Variants in LEPR observed in about 807,000 individuals in gnomAD.
LEPR encodes the protein OB receptor.
LEPR carries 56 observed loss-of-function variants against 114.7 expected under a neutral mutation model. The observed-to-expected ratio is 0.49, with a 90% CI of 0.39 to 0.61. LEPR has a LOEUF of 0.61. LEPR is among the 20% of genes least tolerant of loss of function. LEPR has a pLI of 0.00. For synonymous variants in LEPR, 443 were observed against 461.4 expected (o/e 0.96, Z 0.51); for missense variants, 1,202 against 1,352.9 (o/e 0.89, Z 1.75).
intron 2 of LEPR, among the ~76,000 whole-genome samples, chr1:65,488,163 T>C (rs148099962): frequency 0.085 from 2,383 of 28,160 alleles, 30 homozygotes; most frequent in African/African-American, 0.13. Flanking sequence ...TTCCTTCCTT[T>C]CTTTCTTTCT....
At position 65,532,032 on chromosome 1, in the gene LEPR, G is replaced by C. The variant is rs139009710; in HGVS notation, c.-20-33514G>C. Among the ~76,000 whole-genome samples the C allele has an allele frequency of 3.3e-5, 5 of 152,138 alleles. No homozygotes were observed. The East Asian group carries it at 5.8e-4, about 18-fold the overall frequency. On this transcript the variant is annotated intron_variant, in intron 2 of 19. Transcript: ENST00000349533. ...GCTCTACACCAGATGGACAAACTTC[G>C]TATTGCCAGAACATTTAATTTTTCG...
intron 11 of LEPR, among the ~76,000 whole-genome samples, chr1:65,606,904 A>G (rs1048163141): frequency 6.6e-6 from 1 of 152,184 alleles, no homozygotes; most frequent in African/African-American, 2.4e-5. Context: ...CAAAAGTATT[A>G]TTGTTGATTG....
intron 5 of LEPR, among the ~76,000 whole-genome samples, chr1:65,592,205 A>T (rs1655739817): frequency 6.6e-6 from 1 of 150,986 alleles, no homozygotes; most frequent in Non-Finnish European, 1.5e-5. Context: ...CATTTTAGTT[A>T]AATTTAATTT....
intron 2 of LEPR, chr1:65,526,291 C>A (rs1649964062): frequency 2.0e-6 from 2 of 985,220 alleles, no homozygotes; most frequent in South Asian, 4.7e-5. Context: ...TGTTTCCCAC[C>A]TCCCCCCTTC....
At chr1:65,628,424 A>G (rs1658342043) in intron 19 of LEPR, among the ~76,000 whole-genome samples, 1 of 152,164 alleles carries the variant, frequency 6.6e-6, no homozygotes, top group Non-Finnish European at 1.5e-5. Flanking sequence ...TCCTGGAGGA[A>G]CCCATGATTT....
intron 2 of LEPR, chr1:65,436,110 T>C: frequency 1.0e-6 from 1 of 977,646 alleles, no homozygotes; most frequent in Non-Finnish European, 1.2e-6. Flanking sequence ...CCAGTGTTTT[T>C]GTCTGTATAA....
intron 6 of LEPR, 147 bp from the exon 7 acceptor site, chr1:65,596,301 G>A (rs1416817139): frequency 2.1e-5 from 19 of 916,670 alleles, no homozygotes; most frequent in Admixed American, 4.5e-5. Context: ...AGCTTGTTTC[G>A]GTTCTATAAT....
chr1:65,548,973 T>G (rs1652033631), intron 2 of LEPR, among the ~76,000 whole-genome samples: 1 of 152,202 alleles, frequency 6.6e-6, no homozygotes, highest in Non-Finnish European at 1.5e-5. Context: ...TGTTTAGTGC[T>G]TCCTTCAGGA....
At chr1:65,573,357 G>T (rs1026043449) in intron 5 of LEPR, among the ~76,000 whole-genome samples, 1 of 152,270 alleles carries the variant, frequency 6.6e-6, no homozygotes, top group South Asian at 2.1e-4. Context: ...CTCAGTTCAG[G>T]AGTGCTAGAT....
chr1:65,626,744 A>G (rs1658241483), intron 19 of LEPR, among the ~76,000 whole-genome samples: 1 of 152,028 alleles, frequency 6.6e-6, no homozygotes. Context: ...CTTGGGCTCA[A>G]CTGATCCTCC....
intron 2 of LEPR, among the ~76,000 whole-genome samples, chr1:65,537,473 A>G (rs1340029766): frequency 6.6e-6 from 1 of 150,932 alleles, no homozygotes; most frequent in East Asian, 1.9e-4. Context: ...TTTTTTTTTC[A>G]TTTATCATTT....
chr1:65,489,018 T>A (rs1224125429), intron 2 of LEPR, among the ~76,000 whole-genome samples: 2 of 152,226 alleles, frequency 1.3e-5, no homozygotes, highest in South Asian at 4.1e-4. Flanking sequence ...TTTGTTCATC[T>A]GTTGATGGAC....
intron 2 of LEPR, among the ~76,000 whole-genome samples, chr1:65,482,117 T>TACACAC (rs1221058740): frequency 3.2e-5 from 3 of 94,566 alleles, no homozygotes; most frequent in African/African-American, 5.5e-5. Flanking sequence ...ATGGCAATTT[T>TACACAC]ACACATACAC....
At chr1:65,518,196 G>A (rs1649386456) in intron 2 of LEPR, among the ~76,000 whole-genome samples, 1 of 152,078 alleles carries the variant, frequency 6.6e-6, no homozygotes, top group Non-Finnish European at 1.5e-5. Flanking sequence ...GCTTTCTTTT[G>A]TCTTGTACTC....
Position 65,592,877 on chromosome 1 carries a change from A to G in LEPR, c.703+12A>G, listed in dbSNP as rs1459970819. 5 of 1,612,486 alleles carry G rather than the reference A, an allele frequency of 3.1e-6. No individual in the cohort carries two copies. In the Admixed American group the frequency reaches 8.4e-5, roughly 27 times the overall value. Reference sequence around the variant, plus strand: ...GCCCATAAATATGGGTAAGTTATGCACTAAAATGATGATAATAGGTCTAAA... The same window carrying G: ...GCCCATAAATATGGGTAAGTTATGCGCTAAAATGATGATAATAGGTCTAAA... On this transcript the variant is annotated intron_variant, in intron 6 of 19. Coordinates refer to ENST00000349533, the MANE Select transcript of LEPR (RefSeq NM_002303.6).
intron 2 of LEPR, chr1:65,431,772 A>C (rs757980267): frequency 4.4e-6 from 7 of 1,600,844 alleles, no homozygotes; most frequent in Non-Finnish European, 6.0e-6. Flanking sequence ...GAAGGAAGTA[A>C]GGATTTAATC....
chr1:65,435,620 G>T, intron 2 of LEPR: 1 of 861,240 alleles, frequency 1.2e-6, no homozygotes, highest in Non-Finnish European at 1.4e-6. Context: ...GCCCGCCTCT[G>T]CCTCCCAAAG....
At chr1:65,625,237 A>G (rs186194266) in intron 19 of LEPR, among the ~76,000 whole-genome samples, 98 of 152,308 alleles carry the variant, frequency 6.4e-4, no homozygotes, top group African/African-American at 2.3e-3. Context: ...CATATGAGAA[A>G]TAAGACAGTG....
At chr1:65,599,076 A>G (rs1345961329) in intron 8 of LEPR, among the ~76,000 whole-genome samples, 1 of 152,164 alleles carries the variant, frequency 6.6e-6, no homozygotes, top group Non-Finnish European at 1.5e-5. Context: ...ACAAACTCAG[A>G]AAGCCATTTG....
Sources: allele counts gnomAD v4.1 joint callset (sites outside exome capture counted in the v4.1 genomes callset), GRCh38; gene constraint gnomAD v4.1.1; transcripts MANE v1.5; gene names NCBI Gene and HGNC (gene_info 2026-07-23, HGNC 2026-07-21).